Variants in UNC13C observed in about 807,000 individuals in gnomAD.
UNC13C encodes unc-13 homolog C, also known as protein unc-13 homolog C.
A neutral mutation model predicts 245.4 loss-of-function variants in UNC13C; 174 were observed. That is an observed-to-expected ratio of 0.71 (90% confidence interval 0.63 to 0.80). The LOEUF is 0.80. Ranked by LOEUF, UNC13C falls within the 30% of genes least tolerant of loss-of-function variation. UNC13C has a pLI of 0.00. For missense variants in UNC13C, 2,829 were observed against 2,602.9 expected (o/e 1.09, Z -1.89); for synonymous variants, 992 against 895.1 (o/e 1.11, Z -1.93).
chr15:54,147,360 C>T (rs1237981953), intron 4 of UNC13C, among the ~76,000 whole-genome samples: 6 of 151,964 alleles, frequency 3.9e-5, no homozygotes, highest in African/African-American at 1.2e-4. Flanking sequence ...GCTGGGACTA[C>T]AGGCGCCCTC....
chr15:54,351,527 C>T (rs1220978479), intron 17 of UNC13C, among the ~76,000 whole-genome samples: 3 of 152,148 alleles, frequency 2.0e-5, no homozygotes, highest in Non-Finnish European at 4.4e-5. Context: ...CCAGAAGTTA[C>T]ACAGTTCTTT....
At chr15:54,455,434 A>G (rs989961445) in intron 19 of UNC13C, among the ~76,000 whole-genome samples, 1 of 150,630 alleles carries the variant, frequency 6.6e-6, no homozygotes, top group Non-Finnish European at 1.5e-5. Flanking sequence ...AGGAATCTCC[A>G]TACTGTGTTT....
At chr15:54,423,670 G>A (rs1246006238) in intron 19 of UNC13C, among the ~76,000 whole-genome samples, 1 of 151,886 alleles carries the variant, frequency 6.6e-6, no homozygotes, top group African/African-American at 2.4e-5. Flanking sequence ...AATATAGTAA[G>A]AGTTCAATCA....
At chr15:54,317,709 A>G (rs1333814252) in intron 13 of UNC13C, among the ~76,000 whole-genome samples, 1 of 151,978 alleles carries the variant, frequency 6.6e-6, no homozygotes, top group Non-Finnish European at 1.5e-5. Context: ...ATTAACGTAT[A>G]CATCATCTCA....
chr15:53,899,445 A>G, the UNC13C span, among the ~76,000 whole-genome samples: 4 of 152,266 alleles, frequency 2.6e-5, no homozygotes, highest in Non-Finnish European at 5.9e-5. Flanking sequence ...AAAAGCATGC[A>G]GTAGCTTTGC....
At chr15:54,167,714 A>T (rs1014170724) in intron 4 of UNC13C, among the ~76,000 whole-genome samples, 1 of 151,872 alleles carries the variant, frequency 6.6e-6, no homozygotes, top group Non-Finnish European at 1.5e-5. Context: ...GTTAAAACTA[A>T]CAAACCTTAA....
chr15:54,576,060 G>A (rs1050358113), intron 30 of UNC13C, among the ~76,000 whole-genome samples: 1 of 152,186 alleles, frequency 6.6e-6, no homozygotes, highest in African/African-American at 2.4e-5. Context: ...ATTAAATAAG[G>A]TTACAGTGAA....
chr15:54,061,081 A>G (rs1016253324), intron 2 of UNC13C, among the ~76,000 whole-genome samples: 10 of 151,930 alleles, frequency 6.6e-5, no homozygotes, highest in Non-Finnish European at 1.2e-4. Context: ...ACAAACGTGC[A>G]CGTTGTGCAC....
At chr15:54,352,340 GTA>G (rs34071394) in intron 17 of UNC13C, among the ~76,000 whole-genome samples, 91,493 of 141,786 alleles carry the variant, frequency 0.65, 29,083 homozygotes, top group East Asian at 0.72. Flanking sequence ...TTATATAAAT[GTA>G]TATATATATA....
At chr15:53,998,475 G>A (rs2140970750) in intron 1 of UNC13C, among the ~76,000 whole-genome samples, 1 of 152,158 alleles carries the variant, frequency 6.6e-6, no homozygotes, top group Non-Finnish European at 1.5e-5. Flanking sequence ...CTTATGTTCT[G>A]TGAGCTTGCC....
the UNC13C span, among the ~76,000 whole-genome samples, chr15:53,916,804 T>C: frequency 1.3e-5 from 2 of 152,184 alleles, no homozygotes; most frequent in African/African-American, 4.8e-5. Flanking sequence ...ATCAGGAAGC[T>C]TATAAAGAAA....
chr15:54,400,881 C>A (rs1018851854), intron 18 of UNC13C, among the ~76,000 whole-genome samples: 8 of 152,086 alleles, frequency 5.3e-5, no homozygotes, highest in African/African-American at 9.7e-5. Flanking sequence ...GGTATGTCTC[C>A]TAATGTTAAG....
intron 2 of UNC13C, among the ~76,000 whole-genome samples, chr15:54,070,970 T>C (rs906279468): frequency 2.0e-5 from 3 of 152,198 alleles, no homozygotes; most frequent in Non-Finnish European, 4.4e-5. Context: ...TTATTCAACA[T>C]CTATAGGGCC....
chr15:54,273,751 C>T (rs536966710), intron 10 of UNC13C, among the ~76,000 whole-genome samples: 3 of 152,196 alleles, frequency 2.0e-5, no homozygotes, highest in East Asian at 1.9e-4. Context: ...TTTCAAGATC[C>T]GAAAACTAAA....
At chr15:54,276,661 T>C (rs1350698102) in intron 10 of UNC13C, among the ~76,000 whole-genome samples, 1 of 152,224 alleles carries the variant, frequency 6.6e-6, no homozygotes. Flanking sequence ...TGTAATACTG[T>C]TGTGAATTTT....
chr15:54,432,798 A>G (rs984392803), intron 19 of UNC13C, among the ~76,000 whole-genome samples: 30 of 152,114 alleles, frequency 2.0e-4, no homozygotes. Flanking sequence ...CAAAAAAATC[A>G]ATGAATCCAA....
the UNC13C span, among the ~76,000 whole-genome samples, chr15:53,959,253 G>C: frequency 6.6e-6 from 1 of 151,980 alleles, no homozygotes; most frequent in African/African-American, 2.4e-5. Context: ...AATAAACATG[G>C]GAATGTAGAT....
chr15:53,929,519 A>C, the UNC13C span, among the ~76,000 whole-genome samples: 1 of 152,194 alleles, frequency 6.6e-6, no homozygotes, highest in Admixed American at 6.5e-5. Context: ...ATTAGAAAAA[A>C]ATTAATATTT....
chr15:53,900,192 G>C, the UNC13C span, among the ~76,000 whole-genome samples: 6 of 140,600 alleles, frequency 4.3e-5, no homozygotes. Context: ...ATTTAATAAG[G>C]AATTATAATT....
Sources: gnomAD v4.1 joint callset for allele counts (sites outside exome capture counted in the v4.1 genomes callset) on GRCh38, gnomAD v4.1.1 for gene constraint, MANE v1.5 for transcripts, NCBI Gene and HGNC (gene_info 2026-07-23, HGNC 2026-07-21) for gene names.